The following NAV1 variants were observed in gnomAD, a reference collection of about 807,000 sequenced individuals.
NAV1 encodes neuron navigator 1, also known as pore membrane and/or filament interacting like protein 3.
In NAV1, 18 loss-of-function variants were observed where a neutral mutation model predicts 175.2. That is an observed-to-expected ratio of 0.10 (90% CI 0.07 to 0.15). The LOEUF is 0.15. NAV1 is among the 10% of genes least tolerant of loss of function. The probability of loss-of-function intolerance (pLI) is 1.00; values close to 1 mark genes in which losing one functional copy is unlikely to be tolerated. For missense variants in NAV1, 1,731 were observed against 2,436.6 expected (o/e 0.71, Z 6.10); for synonymous variants, 897 against 978.7 (o/e 0.92, Z 1.56).
intron 1 of NAV1, among the ~76,000 whole-genome samples, chr1:201,688,108 C>T (rs556538889): frequency 6.6e-6 from 1 of 152,320 alleles, no homozygotes; most frequent in Admixed American, 6.5e-5. Context: ...TTGTATTACT[C>T]ACGTAGCAAG....
intron 2 of NAV1, among the ~76,000 whole-genome samples, chr1:201,642,525 T>TTTCTTTC (rs1553247052): frequency 0.054 from 5,420 of 100,304 alleles, 321 homozygotes; most frequent in East Asian, 0.13. Context: ...TTCTTTCTTT[T>TTTCTTTC]TTTCTTTCTT....
chr1:201,693,549 A>T (rs1164279370), intron 1 of NAV1, among the ~76,000 whole-genome samples: 1 of 152,328 alleles, frequency 6.6e-6, no homozygotes, highest in African/African-American at 2.4e-5. Flanking sequence ...CAAAGGCAGT[A>T]TGTGATCGTT....
chr1:201,573,945 A>T lies in NAV1; in HGVS notation c.-143-14594A>T, dbSNP rs186359977. Among the ~76,000 whole-genome samples the T allele has an allele frequency of 2.7e-3, 404 of 152,170 alleles. 1 individual carries two copies. Among genetic ancestry groups the T allele is most frequent in the Non-Finnish European group, 4.4e-3 (298 of 67,990 alleles). On this transcript the variant is annotated intron_variant, in intron 1 of 33. Coordinates refer to the NAV1 transcript ENST00000685211. Reference sequence around the variant, plus strand: ...GTGGCACGTGCCTGTAGTCCCAGCTACTTGGGAGGTTGAGGTGGGAGGATC... The same window carrying T: ...GTGGCACGTGCCTGTAGTCCCAGCTTCTTGGGAGGTTGAGGTGGGAGGATC...
At chr1:201,785,484 C>T in intron 8 of NAV1, 133 bp downstream of exon 12, 1 of 910,900 alleles carries the variant, frequency 1.1e-6, no homozygotes, top group Non-Finnish European at 1.7e-6. Flanking sequence ...GTATGTGGTC[C>T]CATACAAGTA....
chr1:201,558,345 C>A (rs929843707), intron 1 of NAV1, among the ~76,000 whole-genome samples: 5 of 152,158 alleles, frequency 3.3e-5, no homozygotes, highest in African/African-American at 1.2e-4. Context: ...AATGAATGAG[C>A]CCAGTGCTCA....
chr1:201,647,055 T>C (rs1037004597), upstream of NAV1, among the ~76,000 whole-genome samples: 4 of 152,328 alleles, frequency 2.6e-5, no homozygotes, highest in East Asian at 1.9e-4. Context: ...AAAAAGTTCT[T>C]AGGGCTTTAT....
At chr1:201,821,926 C>A (rs779886487) in exon 30 of NAV1, 1 of 152,314 alleles carries the variant, frequency 6.6e-6, no homozygotes, top group Non-Finnish European at 1.5e-5. Context: ...TCCTAAGTAG[C>A]ACAAGACTTT....
chr1:201,788,415 C>G lies in NAV1; in HGVS notation c.2996-53C>G. 2 of 1,605,030 alleles carry G rather than the reference C, an allele frequency of 1.2e-6. No individual in the cohort carries two copies. The highest frequency in any genetic ancestry group is 1.7e-6 in the Non-Finnish European group (2 of 1,174,078). ...GCCCGGAGAGCTGATGACCCTGCCT[C>G]TTTTCCTGCCCTCCTGCTCCCTCTC... On this transcript the variant is annotated intron_variant, in intron 9 of 29. Coordinates refer to ENST00000367296, the Ensembl canonical transcript of NAV1. The surrounding 1 kb of genome is among the most constrained non-coding windows in gnomAD (Gnocchi z 5.7).
At chr1:201,753,975 G>A (rs181296986) in intron 3 of NAV1, among the ~76,000 whole-genome samples, 106 of 152,330 alleles carry the variant, frequency 7.0e-4, no homozygotes, top group African/African-American at 2.5e-3. Flanking sequence ...AGGGGAAAGT[G>A]AAGGAAAGCT....
rs888097578 is a variant in NAV1 at position 201,812,817 on chromosome 1, C to T, written c.5221+156C>T. On this transcript the variant is annotated intron_variant, in intron 27 of 29. Coordinates refer to ENST00000367296, the Ensembl canonical transcript of NAV1. The surrounding 1 kb of genome is among the most constrained non-coding windows in gnomAD (Gnocchi z 4.6). ...ACTTAGAACCACTTAACGAGCCTTC[C>T]CAACACAGTTAGCACCACTTCAATC... Among the ~76,000 whole-genome samples the T allele has an allele frequency of 3.9e-5, 6 of 152,132 alleles. No individual in the cohort carries two copies. The highest frequency in any genetic ancestry group is 8.8e-5 in the Non-Finnish European group (6 of 68,022).
chr1:201,621,332 CTTTTTTT>C (rs11422175), upstream of NAV1, among the ~76,000 whole-genome samples: 1,605 of 118,912 alleles, frequency 0.013, 31 homozygotes, highest in African/African-American at 0.048. Flanking sequence ...TCTTTTCTTT[CTTTTTTT>C]TTTTTTTTTT....
At chr1:201,688,915 T>G (rs958814260) in intron 1 of NAV1, among the ~76,000 whole-genome samples, 2 of 152,240 alleles carry the variant, frequency 1.3e-5, no homozygotes, top group Non-Finnish European at 2.9e-5. Flanking sequence ...CCTAGGTTAC[T>G]AGACGTGTTG....
chr1:201,641,155 C>T (rs2102313294), intron 2 of NAV1, among the ~76,000 whole-genome samples: 1 of 152,262 alleles, frequency 6.6e-6, no homozygotes, highest in Non-Finnish European at 1.5e-5. Flanking sequence ...TAGAGCTGTC[C>T]AGGCCCAAAT....
intron 22 of NAV1, 85 bp from the exon 27 acceptor site, chr1:201,809,861 G>C: frequency 3.1e-6 from 4 of 1,309,748 alleles, no homozygotes; most frequent in Non-Finnish European, 4.3e-6. Context: ...ATCTATTTCT[G>C]TTTCCTCTGA....
In NAV1 at chr1:201,808,190, G is replaced by A; in HGVS notation, c.3845+41G>A. On this transcript the variant is annotated intron_variant, in intron 18 of 29. Transcript: ENST00000367296. This position sits in a 1 kb window ranked among gnomAD's most constrained non-coding sequence, Gnocchi z 5.5. ...CTCCCTGCCACCCAGCCTGTTACCA[G>A]TGTAAGCTGTGGGCTAGAGTTGACA... 1 of 1,604,708 alleles carries A rather than the reference G, an allele frequency of 6.2e-7. No individual in the cohort carries two copies. Among genetic ancestry groups the A allele is most frequent in the Non-Finnish European group, 8.5e-7 (1 of 1,172,870 alleles).
Position 201,740,723 on chromosome 1 carries a change from T to C in NAV1, c.1226+21968T>C, listed in dbSNP as rs1445531657. Among the ~76,000 whole-genome samples, 1 of 151,694 alleles carries C rather than the reference T, an allele frequency of 6.6e-6. No individual in the cohort carries two copies. The highest frequency in any genetic ancestry group is 6.6e-5 in the Admixed American group (1 of 15,230). The stretch of plus-strand genomic sequence containing the variant: ...GTGAAAAATCGGAGAGCCGGGTAAT[T>C]TGGGGAGACGCACAGTGAGGGACTG... On this transcript the variant is annotated intron_variant, in intron 3 of 29. Coordinates refer to ENST00000367296, the Ensembl canonical transcript of NAV1. This position sits in a 1 kb window ranked among gnomAD's most constrained non-coding sequence, Gnocchi z 4.7.
chr1:201,558,546 G>C (rs574691724), intron 1 of NAV1, among the ~76,000 whole-genome samples: 2 of 152,152 alleles, frequency 1.3e-5, no homozygotes, highest in Non-Finnish European at 2.9e-5. Flanking sequence ...TCTGCCTCGC[G>C]GGTTCAAGCG....
intron 1 of NAV1, among the ~76,000 whole-genome samples, chr1:201,565,020 G>A (rs1192911085): frequency 3.3e-5 from 5 of 152,056 alleles, no homozygotes; most frequent in Admixed American, 1.3e-4. Flanking sequence ...CCCATTCCAG[G>A]GTCCTTAATC....
At chr1:201,693,516 G>T (rs1671046839) in intron 1 of NAV1, among the ~76,000 whole-genome samples, 1 of 152,208 alleles carries the variant, frequency 6.6e-6, no homozygotes, top group South Asian at 2.1e-4. Flanking sequence ...GACAAGACCA[G>T]CAGGCAAAAG....
Sources: gnomAD v4.1 joint callset for allele counts (sites outside exome capture counted in the v4.1 genomes callset) on GRCh38, gnomAD v4.1.1 for gene constraint, Gnocchi (gnomAD v3.1) non-coding constraint, MANE v1.5 for transcripts, NCBI Gene and HGNC (gene_info 2026-07-23, HGNC 2026-07-21) for gene names.